Variants in HS3ST4 observed in about 807,000 individuals in gnomAD.
The protein encoded by HS3ST4 is heparan sulfate-glucosamine 3-sulfotransferase 4, also known as heparan sulfate glucosamine 3-O-sulfotransferase 4.
Under a neutral mutation model 29.2 loss-of-function variants are expected in HS3ST4, and 17 were observed. The ratio of observed to expected loss-of-function variants is 0.58; its 90% CI spans 0.40 to 0.87. HS3ST4 has a LOEUF of 0.87. HS3ST4 is among the 40% of genes least tolerant of loss of function. The probability of loss-of-function intolerance (pLI) is 0.00; values close to 1 mark genes in which losing one functional copy is unlikely to be tolerated. For missense variants in HS3ST4, 627 were observed against 634.5 expected, an observed-to-expected ratio of 0.99 and a Z score of 0.13; for synonymous variants, 314 against 285.7, an observed-to-expected ratio of 1.10 and a Z score of -1.00.
intron 1 of HS3ST4, among the ~76,000 whole-genome samples, chr16:25,887,792 G>C (rs1362755181): frequency 6.8e-6 from 1 of 146,950 alleles, no homozygotes; most frequent in African/African-American, 2.6e-5. Context: ...CCACCTCCCA[G>C]GTTCACGCCA....
intron 1 of HS3ST4, among the ~76,000 whole-genome samples, chr16:25,986,850 T>C (rs996604686): frequency 1.3e-5 from 2 of 152,216 alleles, no homozygotes; most frequent in African/African-American, 4.8e-5. Flanking sequence ...GGACCTAGGA[T>C]GTAATTTTCA....
intron 1 of HS3ST4, among the ~76,000 whole-genome samples, chr16:25,848,300 G>A (rs568471548): frequency 2.6e-5 from 4 of 152,016 alleles, no homozygotes; most frequent in South Asian, 2.1e-4. Context: ...CACCACGTCC[G>A]GCTAATTTTT....
At chr16:26,091,653 G>A (rs567690264) in intron 1 of HS3ST4, among the ~76,000 whole-genome samples, 1 of 152,264 alleles carries the variant, frequency 6.6e-6, no homozygotes, top group Admixed American at 6.5e-5. Flanking sequence ...ATATCCTGGA[G>A]AGATGCCAAA....
intron 1 of HS3ST4, among the ~76,000 whole-genome samples, chr16:25,922,265 T>C (rs978059501): frequency 1.3e-5 from 2 of 152,248 alleles, no homozygotes; most frequent in African/African-American, 4.8e-5. Context: ...CCACTGGTAG[T>C]TGATGAAGGC....
At chr16:25,961,505 A>G (rs1968792625) in intron 1 of HS3ST4, among the ~76,000 whole-genome samples, 1 of 152,170 alleles carries the variant, frequency 6.6e-6, no homozygotes, top group Non-Finnish European at 1.5e-5. Context: ...TTGGTGCCCT[A>G]TCTCTTGCCA....
At chr16:25,744,316 T>A (rs796785682) in intron 1 of HS3ST4, among the ~76,000 whole-genome samples, 4 of 152,314 alleles carry the variant, frequency 2.6e-5, no homozygotes, top group African/African-American at 9.6e-5. Context: ...TTTTAATGGG[T>A]CTGAAAATCT....
chr16:26,021,247 G>A (rs1378104389), intron 1 of HS3ST4, among the ~76,000 whole-genome samples: 2 of 152,130 alleles, frequency 1.3e-5, no homozygotes, highest in Non-Finnish European at 2.9e-5. Flanking sequence ...ATATATGGGC[G>A]ATTTTACATA....
At chr16:26,031,028 A>G (rs773034431) in intron 1 of HS3ST4, among the ~76,000 whole-genome samples, 7 of 152,238 alleles carry the variant, frequency 4.6e-5, no homozygotes, top group Non-Finnish European at 1.0e-4. Flanking sequence ...TGTTGAGAGA[A>G]TGAAAGTATT....
chr16:26,064,757 A>G (rs957352147), intron 1 of HS3ST4, among the ~76,000 whole-genome samples: 2 of 151,882 alleles, frequency 1.3e-5, no homozygotes, highest in African/African-American at 4.8e-5. Flanking sequence ...AGCTGGGATC[A>G]CAGGCATGTG....
intron 1 of HS3ST4, among the ~76,000 whole-genome samples, chr16:25,899,641 G>T (rs1476302900): frequency 6.6e-6 from 1 of 151,710 alleles, no homozygotes. Context: ...AAGTAGCTGG[G>T]ATTACAGGCG....
intron 1 of HS3ST4, among the ~76,000 whole-genome samples, chr16:26,061,145 T>C (rs1226424644): frequency 6.6e-6 from 1 of 152,260 alleles, no homozygotes; most frequent in Non-Finnish European, 1.5e-5. Flanking sequence ...CAGCATTTGA[T>C]GTAGAAACTT....
chr16:25,828,312 C>T (rs1380946871), intron 1 of HS3ST4, among the ~76,000 whole-genome samples: 1,985 of 116,932 alleles, frequency 0.017, 109 homozygotes, highest in African/African-American at 0.019. Context: ...CTCTCTCTCT[C>T]TCTCTCTCTC....
At chr16:26,090,294 C>T (rs28528830) in intron 1 of HS3ST4, among the ~76,000 whole-genome samples, 8 of 145,386 alleles carry the variant, frequency 5.5e-5, no homozygotes, top group Admixed American at 1.6e-4. Flanking sequence ...TGGCAGATCA[C>T]GTGAAATCTC....
At chr16:26,131,603 G>T (rs1373691001) in intron 1 of HS3ST4, among the ~76,000 whole-genome samples, 3 of 152,200 alleles carry the variant, frequency 2.0e-5, no homozygotes, top group Non-Finnish European at 4.4e-5. Context: ...TGCCTGAAAG[G>T]TTGGAAGAGA....
intron 1 of HS3ST4, among the ~76,000 whole-genome samples, chr16:26,015,308 C>T (rs1027119508): frequency 8.5e-5 from 13 of 152,142 alleles, no homozygotes; most frequent in Non-Finnish European, 1.5e-4. Flanking sequence ...TGAAACGATA[C>T]GTATTACAAC....
intron 1 of HS3ST4, among the ~76,000 whole-genome samples, chr16:25,910,667 A>G (rs1320666004): frequency 6.6e-6 from 1 of 151,674 alleles, no homozygotes; most frequent in Non-Finnish European, 1.5e-5. Context: ...AAAGTTAAAC[A>G]AAAAAAACAA....
intron 1 of HS3ST4, among the ~76,000 whole-genome samples, chr16:25,745,447 T>A (rs751754422): frequency 6.6e-6 from 1 of 152,180 alleles, no homozygotes; most frequent in Non-Finnish European, 1.5e-5. Flanking sequence ...TTTCAGACCA[T>A]CCTTGTTAGA....
intron 1 of HS3ST4, among the ~76,000 whole-genome samples, chr16:25,947,344 G>T: frequency 6.6e-6 from 1 of 152,102 alleles, no homozygotes; most frequent in East Asian, 1.9e-4. Flanking sequence ...TGTTGTATTA[G>T]TCAGTGATTG....
chr16:26,019,449 A>G (rs1328256844), intron 1 of HS3ST4, among the ~76,000 whole-genome samples: 1 of 151,976 alleles, frequency 6.6e-6, no homozygotes, highest in Non-Finnish European at 1.5e-5. Context: ...TTATTGCTTT[A>G]TGGTAACGAC....
Sources: gnomAD v4.1 joint callset for allele counts (sites outside exome capture counted in the v4.1 genomes callset) on GRCh38, gnomAD v4.1.1 for gene constraint, MANE v1.5 for transcripts, NCBI Gene and HGNC (gene_info 2026-07-23, HGNC 2026-07-21) for gene names.